Variants in MYO6 observed in about 807,000 individuals in gnomAD.
MYO6 encodes myosin VI, also known as unconventional myosin-VI.
Under a neutral mutation model 178.7 loss-of-function variants are expected in MYO6, and 74 were observed. The ratio of observed to expected loss-of-function variants is 0.41; its 90% CI spans 0.34 to 0.50. The LOEUF (loss-of-function observed/expected upper bound fraction) is 0.50. Ranked by LOEUF, MYO6 falls within the 20% of genes least tolerant of loss-of-function variation. MYO6 has a pLI of 0.09. For missense variants in MYO6, 1,330 were observed against 1,547.4 expected (o/e 0.86, Z 2.36); for synonymous variants, 477 against 504.6 (o/e 0.95, Z 0.73).
intron 28 of MYO6, among the ~76,000 whole-genome samples, chr6:75,893,743 A>C (rs1779085944): frequency 6.6e-6 from 1 of 152,230 alleles, no homozygotes; most frequent in Admixed American, 6.5e-5. Flanking sequence ...ATATGAAAGT[A>C]CATTATATTG....
intron 10 of MYO6, among the ~76,000 whole-genome samples, chr6:75,847,133 TTGAC>T (rs770709256): frequency 6.6e-6 from 1 of 152,152 alleles, no homozygotes; most frequent in African/African-American, 2.4e-5. Context: ...AAGCAATTCT[TTGAC>T]TGCAAGACTA....
chr6:75,867,937 A>G (rs1776829866), intron 18 of MYO6, among the ~76,000 whole-genome samples: 1 of 152,152 alleles, frequency 6.6e-6, no homozygotes, highest in Non-Finnish European at 1.5e-5. Context: ...ATGTAGAACA[A>G]AAAATGTATA....
Position 75,787,712 on chromosome 6 carries a change from CTCTCTCTCTCTCTCTCTCTA to C in MYO6, c.-47-29787_-47-29768del, listed in dbSNP as rs1252026596. Among the ~76,000 whole-genome samples, 96 of 66,960 alleles carry C rather than the reference CTCTCTCTCTCTCTCTCTCTA, an allele frequency of 1.4e-3. 1 individual carries two copies. Among genetic ancestry groups the C allele is most frequent in the African/African-American group, 3.6e-3 (65 of 17,932 alleles). 43.9% of individuals were successfully genotyped at this position (66,960 alleles called of 152,430 possible). A position where few individuals can be genotyped will look rare whatever the true frequency, so the allele number is the denominator to read the frequency against. On this transcript the variant is annotated intron_variant, in intron 1 of 34. Transcript: ENST00000369977. Reference sequence around the variant, plus strand: ...TCTCTCTCTCTCTCTCTCTCTCTCTCTCTCTCTCTCTCTCTCTCTATATATATATATATATATATATATAT... The same window carrying C: ...TCTCTCTCTCTCTCTCTCTCTCTCTCTATATATATATATATATATATATAT...
chr6:75,832,952 G>C lies in MYO6; in HGVS notation c.497+5G>C, dbSNP rs539587826. On this transcript the variant is annotated splice_donor_5th_base_variant and intron_variant, in intron 6 of 34. Transcript: ENST00000369977. The stretch of plus-strand genomic sequence containing the variant: ...AAATACAAAATTTGTTCTAAGGTGA[G>C]TATTCAGCTAACTTGAAGTATTTGA... 1 of 1,584,886 alleles carries C rather than the reference G, an allele frequency of 6.3e-7. No individual in the cohort carries two copies. Among genetic ancestry groups the C allele is most frequent in the South Asian group, 1.1e-5 (1 of 90,458 alleles).
chr6:75,832,448 A>G (rs994758163), intron 5 of MYO6, among the ~76,000 whole-genome samples: 1 of 152,128 alleles, frequency 6.6e-6, no homozygotes, highest in African/African-American at 2.4e-5. Flanking sequence ...TTTGGTTGCT[A>G]GATTTCTTAA....
intron 1 of MYO6, chr6:75,768,286 A>G (rs1174446886): frequency 6.6e-6 from 1 of 152,112 alleles, no homozygotes; most frequent in Admixed American, 6.6e-5. Flanking sequence ...AAGATTTTAA[A>G]AAATTTCACA....
At chr6:75,800,630 G>T (rs1769356991) in intron 1 of MYO6, among the ~76,000 whole-genome samples, 2 of 152,140 alleles carry the variant, frequency 1.3e-5, no homozygotes, top group Admixed American at 1.3e-4. Context: ...GTTTGAGATG[G>T]CTGTTGATTT....
intron 11 of MYO6, among the ~76,000 whole-genome samples, chr6:75,849,232 C>T (rs1040612253): frequency 6.6e-6 from 1 of 152,180 alleles, no homozygotes; most frequent in African/African-American, 2.4e-5. Context: ...AGCTTTTGTG[C>T]TAGTGTCAGA....
intron 18 of MYO6, among the ~76,000 whole-genome samples, chr6:75,868,973 A>G (rs1435059755): frequency 2.0e-5 from 3 of 150,006 alleles, no homozygotes; most frequent in African/African-American, 7.4e-5. Flanking sequence ...CTTAAGCCTT[A>G]TGGTCCTTGG....
At position 75,887,027 on chromosome 6, in the gene MYO6, T is replaced by C. The variant is rs772686121; in HGVS notation, c.2658+33T>C. On this transcript the variant is annotated intron_variant, in intron 25 of 34. Coordinates refer to ENST00000369977, the MANE Select transcript of MYO6 (RefSeq NM_004999.4). ...ATTTCAACCCGAATGACTTTGACTTTTTATGTAATTTAATATATTTTGTTA... is the reference window on the plus strand; with the variant it reads ...ATTTCAACCCGAATGACTTTGACTTCTTATGTAATTTAATATATTTTGTTA... 5.7e-6 allele frequency: 9 copies of C among 1,580,980 alleles called. No homozygotes were observed. In the Admixed American group the frequency reaches 1.5e-4, roughly 26 times the overall value.
chr6:75,763,075 G>A (rs943881943), intron 1 of MYO6, among the ~76,000 whole-genome samples: 12 of 148,710 alleles, frequency 8.1e-5, no homozygotes, highest in Non-Finnish European at 4.4e-5. Flanking sequence ...TGCCCAGGCT[G>A]GAGTGCAGTG....
chr6:75,800,156 C>G (rs978748164), intron 1 of MYO6, among the ~76,000 whole-genome samples: 4 of 152,086 alleles, frequency 2.6e-5, no homozygotes, highest in Admixed American at 2.0e-4. Flanking sequence ...GTTCAACCCC[C>G]CTCCAGACTC....
intron 7 of MYO6, among the ~76,000 whole-genome samples, chr6:75,836,707 C>T (rs556700814): frequency 4.0e-5 from 6 of 151,674 alleles, no homozygotes; most frequent in East Asian, 3.9e-4. Flanking sequence ...CTCAGCCTCC[C>T]GAGTAGCTGG....
At chr6:75,889,080 A>G (rs1778692745) in intron 25 of MYO6, among the ~76,000 whole-genome samples, 1 of 152,154 alleles carries the variant, frequency 6.6e-6, no homozygotes, top group South Asian at 2.1e-4. Context: ...GGATATAATG[A>G]ATATCTTAAA....
chr6:75,861,174 A>G, intron 15 of MYO6, 79 bp downstream of exon 15: 1 of 1,106,444 alleles, frequency 9.0e-7, no homozygotes, highest in Non-Finnish European at 1.4e-6. Context: ...TGTGCTTTTT[A>G]ATTGACATTA....
At chr6:75,804,925 A>T (rs1769865350) in intron 1 of MYO6, among the ~76,000 whole-genome samples, 2 of 148,008 alleles carry the variant, frequency 1.4e-5, no homozygotes, top group Non-Finnish European at 3.0e-5. Flanking sequence ...TATATAATAT[A>T]TACACATATA....
intron 1 of MYO6, among the ~76,000 whole-genome samples, chr6:75,756,997 CATATATAGTGTGTATATATGTATACACA>C (rs1562113493): frequency 7.7e-6 from 1 of 129,630 alleles, no homozygotes; most frequent in Non-Finnish European, 1.6e-5. Flanking sequence ...TGTATACACA[CATATATAGTGTGTATATATGTATACACA>C]CATATATAGT....
At chr6:75,826,509 ACAT>A (rs1772485720) in intron 3 of MYO6, among the ~76,000 whole-genome samples, 2 of 152,152 alleles carry the variant, frequency 1.3e-5, no homozygotes, top group South Asian at 4.1e-4. Flanking sequence ...AGCAGTGACA[ACAT>A]CATGCAACCA....
intron 1 of MYO6, among the ~76,000 whole-genome samples, chr6:75,807,285 G>T (rs1326020946): frequency 6.6e-6 from 1 of 151,718 alleles, no homozygotes; most frequent in Non-Finnish European, 1.5e-5. Flanking sequence ...TTTATTTCTG[G>T]TGTTCTGAAA....
Sources: gnomAD v4.1 joint callset for allele counts (sites outside exome capture counted in the v4.1 genomes callset) on GRCh38, gnomAD v4.1.1 for gene constraint, MANE v1.5 for transcripts, NCBI Gene and HGNC (gene_info 2026-07-23, HGNC 2026-07-21) for gene names.